MIPOL1: variants seen among roughly 807,000 people sequenced by gnomAD.
MIPOL1 encodes mirror-image polydactyly gene 1 protein.
MIPOL1 carries 57 observed loss-of-function variants against 60.9 expected under a neutral mutation model. The observed-to-expected ratio is 0.94, with a 90% CI of 0.76 to 1.17. MIPOL1 has a LOEUF of 1.17. MIPOL1 is among the 50% of genes most tolerant of loss of function. The pLI is 0.00. For missense variants in MIPOL1, 551 were observed against 511.6 expected (o/e 1.08, Z -0.74); for synonymous variants, 179 against 168.8 (o/e 1.06, Z -0.47).
At chr14:37,511,567 G>C (rs914378837) in intron 12 of MIPOL1, among the ~76,000 whole-genome samples, 3 of 152,174 alleles carry the variant, frequency 2.0e-5, no homozygotes, top group Non-Finnish European at 4.4e-5. Flanking sequence ...TTATTCATGA[G>C]AGATTTAAAA....
intron 9 of MIPOL1, among the ~76,000 whole-genome samples, chr14:37,353,111 A>G (rs958900249): frequency 7.3e-6 from 1 of 136,410 alleles, no homozygotes; most frequent in Non-Finnish European, 1.6e-5. Flanking sequence ...AGTTTTTAGC[A>G]TGAAGGGTTG....
intron 10 of MIPOL1, among the ~76,000 whole-genome samples, chr14:37,394,677 T>C (rs2093337387): frequency 6.6e-6 from 1 of 152,170 alleles, no homozygotes; most frequent in Non-Finnish European, 1.5e-5. Flanking sequence ...CTTTCTAAGA[T>C]GTATAGATTG....
chr14:37,320,493 T>C (rs911331626), intron 9 of MIPOL1, among the ~76,000 whole-genome samples: 1 of 152,098 alleles, frequency 6.6e-6, no homozygotes. Flanking sequence ...CATTATTAAA[T>C]TTTGTTGTTT....
chr14:37,430,954 A>G (rs2094053287), intron 11 of MIPOL1, among the ~76,000 whole-genome samples: 1 of 152,198 alleles, frequency 6.6e-6, no homozygotes, highest in Non-Finnish European at 1.5e-5. Flanking sequence ...AAATTTCAAC[A>G]TGTATAGCTC....
chr14:37,467,952 G>T (rs568125526), intron 11 of MIPOL1, among the ~76,000 whole-genome samples: 220 of 151,698 alleles, frequency 1.5e-3, no homozygotes, highest in African/African-American at 5.2e-3. Context: ...TACTCAGGAG[G>T]CTGAGGCAGG....
At position 37,267,142 on chromosome 14, in the gene MIPOL1, C is replaced by T. The variant is rs375523919; in HGVS notation, c.224C>T (p.Ser75Phe). Residue 75 changes from serine to phenylalanine, a missense_variant, in exon 4 of 13, where the codon TCT (serine) becomes TTT (phenylalanine). Physicochemically the swap from Ser to Phe is radical, Grantham distance 155. Transcript: ENST00000684589. ...ATCAGTTCTTATCCAGATGATGAGT[C>T]TGTTTACTGCACTACTGAAAAATAC... The part of the protein sequence containing the change: ...QIISSYPDDE[S>F]VYCTTEKYNV... 10 of 1,613,168 alleles carry T rather than the reference C, an allele frequency of 6.2e-6. No individual in the cohort carries two copies. Among genetic ancestry groups the T allele is most frequent in the Non-Finnish European group, 8.5e-6 (10 of 1,179,610 alleles).
rs1167687025 is a variant in MIPOL1, at chr14:37,433,682, A to G, written c.1031+10733A>G. On this transcript the variant is annotated intron_variant, in intron 11 of 12. Coordinates refer to ENST00000684589, the MANE Select transcript of MIPOL1 (RefSeq NM_001388067.1). ...GTGATTCTTCTGCCTCAGCCTCCCA[A>G]GTAGCTGGGATTACAGGTGCCCGCC... 2.0e-5 allele frequency among the ~76,000 whole-genome samples: 3 copies of G among 151,928 alleles called. No individual in the cohort carries two copies. In the East Asian group the frequency reaches 5.8e-4, roughly 30 times the overall value.
chr14:37,385,550 G>A (rs1369050819), intron 10 of MIPOL1: 1 of 151,886 alleles, frequency 6.6e-6, no homozygotes, highest in Non-Finnish European at 1.5e-5. Context: ...CAGGATGGCT[G>A]GTTTTTTTAT....
intron 3 of MIPOL1, among the ~76,000 whole-genome samples, chr14:37,260,659 G>A (rs2082459345): frequency 6.6e-6 from 1 of 152,146 alleles, no homozygotes; most frequent in Admixed American, 6.6e-5. Flanking sequence ...AGCACAGATA[G>A]AGGTTATTAA....
At chr14:37,494,790 A>G (rs935090731) in intron 11 of MIPOL1, among the ~76,000 whole-genome samples, 3 of 152,184 alleles carry the variant, frequency 2.0e-5, no homozygotes, top group Non-Finnish European at 4.4e-5. Context: ...ATGCAAGGAC[A>G]TGCTATTGCA....
chr14:37,262,613 T>A (rs962324126), intron 3 of MIPOL1, among the ~76,000 whole-genome samples: 1 of 152,180 alleles, frequency 6.6e-6, no homozygotes, highest in African/African-American at 2.4e-5. Context: ...GGGAGCACAT[T>A]AACAAACTGC....
intron 12 of MIPOL1, among the ~76,000 whole-genome samples, chr14:37,529,239 G>GA (rs1310700281): frequency 6.6e-6 from 1 of 152,050 alleles, no homozygotes; most frequent in Non-Finnish European, 1.5e-5. Context: ...ACTAGTGTAA[G>GA]AAAAAAGCAA....
intron 7 of MIPOL1, among the ~76,000 whole-genome samples, chr14:37,291,277 A>T (rs752471551): frequency 1.1e-4 from 17 of 152,042 alleles, no homozygotes; most frequent in Non-Finnish European, 2.9e-5. Flanking sequence ...GAGACTCCAG[A>T]TATACTTATA....
intron 12 of MIPOL1, among the ~76,000 whole-genome samples, chr14:37,511,867 T>C (rs72674233): frequency 0.13 from 20,179 of 152,190 alleles, 1,790 homozygotes; most frequent in Non-Finnish European, 0.2. Flanking sequence ...TGAAGAGTTA[T>C]ATACTGTAAC....
intron 9 of MIPOL1, among the ~76,000 whole-genome samples, chr14:37,332,676 G>A (rs118105132): frequency 0.026 from 3,356 of 130,738 alleles, 52 homozygotes; most frequent in Admixed American, 0.035. Flanking sequence ...CTGATTATAG[G>A]ATGAATTATC....
rs1222892172 is a variant in MIPOL1, at chr14:37,353,736, TG to T, written c.829-15778del. On this transcript the variant is annotated intron_variant, in intron 9 of 12. Coordinates refer to ENST00000684589, the MANE Select transcript of MIPOL1 (RefSeq NM_001388067.1). ...TCTCTGATGGTAGTTTGTATTTCTGTGGGATCAGTGGTGATATCCAGTTTAT... is the reference window on the plus strand; with the variant it reads ...TCTCTGATGGTAGTTTGTATTTCTGTGGATCAGTGGTGATATCCAGTTTAT... Among the ~76,000 whole-genome samples the T allele has an allele frequency of 5.3e-5, 8 of 152,326 alleles. No individual in the cohort carries two copies. In the East Asian group the frequency reaches 1.5e-3, roughly 29 times the overall value.
At chr14:37,429,230 G>T (rs1482535577) in intron 11 of MIPOL1, among the ~76,000 whole-genome samples, 1 of 152,074 alleles carries the variant, frequency 6.6e-6, no homozygotes, top group African/African-American at 2.4e-5. Context: ...CTAATTGAGG[G>T]AATGCCTGTT....
intron 9 of MIPOL1, among the ~76,000 whole-genome samples, chr14:37,338,389 C>A (rs1225455080): frequency 6.9e-6 from 1 of 145,858 alleles, no homozygotes; most frequent in Admixed American, 7.0e-5. Flanking sequence ...GGATTACAGG[C>A]GTGAACCACC....
At chr14:37,281,248 T>G (rs748897688) in intron 6 of MIPOL1, among the ~76,000 whole-genome samples, 1 of 152,208 alleles carries the variant, frequency 6.6e-6, no homozygotes, top group Non-Finnish European at 1.5e-5. Flanking sequence ...CCCAGCACCA[T>G]TTATTGAAGA....
Sources: allele counts gnomAD v4.1 joint callset (sites outside exome capture counted in the v4.1 genomes callset), GRCh38; gene constraint gnomAD v4.1.1; transcripts MANE v1.5; gene names NCBI Gene and HGNC (gene_info 2026-07-23, HGNC 2026-07-21).